Variants in OTOP1 observed in about 807,000 individuals in gnomAD.
OTOP1 encodes the protein otopetrin 1, also known as proton channel OTOP1.
A neutral mutation model predicts 52.9 loss-of-function variants in OTOP1; 59 were observed. The ratio of observed to expected loss-of-function variants is 1.12; its 90% CI spans 0.91 to 1.39. The LOEUF is 1.39. OTOP1 is among the 40% of genes most tolerant of loss of function. OTOP1 has a pLI of 0.00. For missense variants in OTOP1, 761 were observed against 800.9 expected (o/e 0.95, Z 0.60); for synonymous variants, 317 against 337.7 (o/e 0.94, Z 0.67).
intron 1 of OTOP1, among the ~76,000 whole-genome samples, chr4:4,219,100 C>T (rs980229892): frequency 1.3e-5 from 2 of 151,728 alleles, no homozygotes; most frequent in African/African-American, 2.4e-5. Context: ...TCATAAACAT[C>T]GTAAAGAAAA....
At chr4:4,218,087 A>G (rs1394315936) in intron 1 of OTOP1, among the ~76,000 whole-genome samples, 2 of 152,192 alleles carry the variant, frequency 1.3e-5, no homozygotes, top group South Asian at 2.1e-4. Flanking sequence ...TCTATTAACT[A>G]TCTCTACAAA....
rs367611211 is a variant in OTOP1 at position 4,226,736 on chromosome 4, G to C, written c.129C>G (p.Ala43=). ...TGGCGCGCACACCGCCCCGCCGGGG[G>C]GCCGGGGATTCCGGGGACCTCGGGG... ...SSAPRSPESP[A]PRRGGVRASV... Residue 43 remains alanine, a synonymous_variant, in exon 1 of 6, where the codon GCC becomes GCG. Coordinates refer to ENST00000296358, the MANE Select transcript of OTOP1 (RefSeq NM_177998.3). The C allele has an allele frequency of 7.2e-7, 1 of 1,397,984 alleles. No homozygotes were observed. 86.6% of individuals were successfully genotyped at this position (1,397,984 alleles called of 1,614,324 possible).
chr4:4,190,660 G>C (rs1400098801), intron 5 of OTOP1, among the ~76,000 whole-genome samples: 1 of 152,120 alleles, frequency 6.6e-6, no homozygotes, highest in Non-Finnish European at 1.5e-5. Flanking sequence ...AGGATGGGTA[G>C]GTTACATGCA....
At chr4:4,211,433 C>T (rs1717023285) in intron 2 of OTOP1, among the ~76,000 whole-genome samples, 4 of 147,050 alleles carry the variant, frequency 2.7e-5, no homozygotes, top group Admixed American at 2.7e-4. Context: ...CTTCTCTGAG[C>T]TCCAACTTCT....
At chr4:4,211,881 A>T (rs1717033520) in intron 2 of OTOP1, among the ~76,000 whole-genome samples, 1 of 152,354 alleles carries the variant, frequency 6.6e-6, no homozygotes, top group East Asian at 1.9e-4. Context: ...CGCAAGACGA[A>T]TAATTCTAGA....
At position 4,226,446 on chromosome 4, in the gene OTOP1, C is replaced by G; in HGVS notation, c.403+16G>C. ...GCGAGGAGGCGGAGACCCGCTCGCC[C>G]GGCGCCTGGACTCACCGCGCAGCCA... On this transcript the variant is annotated intron_variant, in intron 1 of 5. Coordinates refer to ENST00000296358, the MANE Select transcript of OTOP1 (RefSeq NM_177998.3). 3 of 1,422,706 alleles carry G rather than the reference C, an allele frequency of 2.1e-6. No homozygotes were observed. Among genetic ancestry groups the G allele is most frequent in the East Asian group, 2.9e-5 (1 of 34,652 alleles). The allele number at this position is 1,422,706 out of a possible 1,614,324, so 88.1% of individuals were successfully genotyped here. A position where few individuals can be genotyped will look rare whatever the true frequency, so the allele number is the denominator to read the frequency against.
intron 1 of OTOP1, 72 bp from the exon 2 acceptor site, chr4:4,213,076 A>G: frequency 2.6e-6 from 4 of 1,545,972 alleles, no homozygotes; most frequent in Non-Finnish European, 3.6e-6. Context: ...ATTTCAAAAT[A>G]AATTATATTG....
At chr4:4,224,048 A>G (rs1311444076) in intron 1 of OTOP1, among the ~76,000 whole-genome samples, 2 of 150,300 alleles carry the variant, frequency 1.3e-5, no homozygotes, top group Non-Finnish European at 3.0e-5. Context: ...GAAAATGAGG[A>G]AAAAAATAAG....
At chr4:4,212,104 A>G (rs1394846863) in intron 2 of OTOP1, among the ~76,000 whole-genome samples, 1 of 152,212 alleles carries the variant, frequency 6.6e-6, no homozygotes, top group Non-Finnish European at 1.5e-5. Context: ...CATATACATA[A>G]AAAAGAAAAA....
At chr4:4,212,818 G>A in intron 2 of OTOP1, 50 bp downstream of exon 2, 3 of 1,599,864 alleles carry the variant, frequency 1.9e-6, no homozygotes, top group Non-Finnish European at 2.6e-6. Flanking sequence ...ACACAACCTG[G>A]GATACACTTC....
At chr4:4,218,517 AC>A (rs1006247373) in intron 1 of OTOP1, among the ~76,000 whole-genome samples, 2 of 152,128 alleles carry the variant, frequency 1.3e-5, no homozygotes, top group Non-Finnish European at 2.9e-5. Flanking sequence ...AGGCAAACGT[AC>A]CCTAAAGGTC....
rs1716660783 is a variant in OTOP1 at position 4,197,311 on chromosome 4, C to T, written c.1523G>A (p.Ser508Asn). Residue 508 changes from serine (S) to asparagine (N), a missense_variant, in exon 5 of 6, where the codon AGC becomes AAC. Transcript: ENST00000296358. Reference protein sequence around the residue: ...AANGNVCMRESHDKEEEKQEE... With the variant: ...AANGNVCMRENHDKEEEKQEE... ...CTGCTTCTCCTCCTCCTTGTCATGG[C>T]TTTCTCTCATGCACACATTTCCATT... 2 of 1,614,130 alleles carry T rather than the reference C, an allele frequency of 1.2e-6. No homozygotes were observed. Among genetic ancestry groups the T allele is most frequent in the East Asian group, 4.5e-5 (2 of 44,868 alleles).
intron 2 of OTOP1, among the ~76,000 whole-genome samples, chr4:4,211,468 G>T (rs1717024209): frequency 6.6e-6 from 1 of 152,230 alleles, no homozygotes; most frequent in Non-Finnish European, 1.5e-5. Context: ...TGAGGGCAGA[G>T]CCTGCCATTT....
At chr4:4,189,939 C>T (rs1374806617) in intron 5 of OTOP1, among the ~76,000 whole-genome samples, 1 of 152,176 alleles carries the variant, frequency 6.6e-6, no homozygotes, top group African/African-American at 2.4e-5. Flanking sequence ...CTGGGAATGG[C>T]CCTGTGCAGA....
intron 1 of OTOP1, among the ~76,000 whole-genome samples, chr4:4,221,772 C>T (rs1331593369): frequency 6.6e-6 from 1 of 152,152 alleles, no homozygotes; most frequent in Non-Finnish European, 1.5e-5. Context: ...CTGTGTCCCA[C>T]CACACCCAGC....
intron 4 of OTOP1, among the ~76,000 whole-genome samples, chr4:4,198,350 A>G (rs1716700606): frequency 6.6e-6 from 1 of 152,200 alleles, no homozygotes; most frequent in African/African-American, 2.4e-5. Context: ...GATAGAGAAG[A>G]TGACTCTATT....
chr4:4,222,129 G>C (rs897463517), intron 1 of OTOP1, among the ~76,000 whole-genome samples: 1 of 152,064 alleles, frequency 6.6e-6, no homozygotes, highest in South Asian at 2.1e-4. Flanking sequence ...AGGATACAAC[G>C]GTAAGCACAG....
At chr4:4,198,585 G>T (rs1716706221) in intron 4 of OTOP1, among the ~76,000 whole-genome samples, 1 of 152,040 alleles carries the variant, frequency 6.6e-6, no homozygotes, top group Non-Finnish European at 1.5e-5. Flanking sequence ...ACATTATTTT[G>T]AAAAAATACT....
intron 3 of OTOP1, 103 bp from the exon 4 acceptor site, chr4:4,202,681 C>T: frequency 6.8e-7 from 1 of 1,461,248 alleles, no homozygotes; most frequent in Middle Eastern, 2.1e-4. Flanking sequence ...CCTTCTCAGC[C>T]ATGATTCTGG....
Sources: gnomAD v4.1 joint callset for allele counts (sites outside exome capture counted in the v4.1 genomes callset) on GRCh38, gnomAD v4.1.1 for gene constraint, MANE v1.5 for transcripts, NCBI Gene and HGNC (gene_info 2026-07-23, HGNC 2026-07-21) for gene names.